The following SNX18 variants were observed in gnomAD, a reference collection of about 807,000 sequenced individuals.
SNX18 encodes sorting nexin 18, also known as sorting nexin-18.
SNX18 carries 35 observed loss-of-function variants against 48.7 expected under a neutral mutation model. The ratio of observed to expected loss-of-function variants is 0.72; its 90% CI spans 0.55 to 0.95. The LOEUF (loss-of-function observed/expected upper bound fraction) is 0.95, where lower values mean the gene tolerates loss of function less well. Ranked by LOEUF, SNX18 falls within the 40% of genes least tolerant of loss-of-function variation. SNX18 has a pLI of 0.00. For missense variants in SNX18, 824 were observed against 871.0 expected, an observed-to-expected ratio of 0.95 and a Z score of 0.68; for synonymous variants, 492 against 384.7, an observed-to-expected ratio of 1.28 and a Z score of -3.26.
At chr5:54,585,999 C>T in the SNX18 span, among the ~76,000 whole-genome samples, 129 of 146,432 alleles carry the variant, frequency 8.8e-4, 1 homozygote, top group African/African-American at 3.1e-3. Flanking sequence ...AGCGAGACTC[C>T]GTCTCAAAAA....
chr5:54,594,518 T>C, the SNX18 span, among the ~76,000 whole-genome samples: 4 of 152,174 alleles, frequency 2.6e-5, no homozygotes, highest in Non-Finnish European at 4.4e-5. Context: ...TGGTTTGCTG[T>C]GTCTAGACTG....
At chr5:54,573,940 C>T in the SNX18 span, among the ~76,000 whole-genome samples, 7 of 152,290 alleles carry the variant, frequency 4.6e-5, no homozygotes, top group East Asian at 1.4e-3. Context: ...GGAAAGGTGG[C>T]CCATATCCAC....
At chr5:54,626,291 C>T in the SNX18 span, among the ~76,000 whole-genome samples, 1 of 152,228 alleles carries the variant, frequency 6.6e-6, no homozygotes, top group Middle Eastern at 3.4e-3. Flanking sequence ...TATTTATTCA[C>T]TCTGTACCCT....
the SNX18 span, among the ~76,000 whole-genome samples, chr5:54,613,216 A>C: frequency 9.2e-5 from 14 of 152,354 alleles, no homozygotes; most frequent in African/African-American, 3.4e-4. Flanking sequence ...GGATTATCTT[A>C]GTTCGTTTTA....
the SNX18 span, chr5:54,643,793 C>A: frequency 6.6e-6 from 1 of 152,162 alleles, no homozygotes; most frequent in Admixed American, 6.5e-5. Context: ...TCTGTCATTG[C>A]CTGTGAGCCA....
chr5:54,569,467 G>A, the SNX18 span, among the ~76,000 whole-genome samples: 12 of 152,150 alleles, frequency 7.9e-5, no homozygotes, highest in African/African-American at 2.2e-4. Flanking sequence ...TGAGAAGTTC[G>A]ACAGGGCACA....
intron 1 of SNX18, among the ~76,000 whole-genome samples, chr5:54,540,690 T>C (rs1762451905): frequency 6.6e-6 from 1 of 151,852 alleles, no homozygotes; most frequent in Admixed American, 6.6e-5. Flanking sequence ...CTGGACTCTG[T>C]TCTCTATGAT....
the SNX18 span, chr5:54,645,945 CT>C: frequency 1.6e-3 from 251 of 152,282 alleles, 1 homozygote; most frequent in African/African-American, 5.6e-3. Flanking sequence ...TATATTTCTA[CT>C]TGATATTCCT....
chr5:54,615,463 G>T, the SNX18 span, among the ~76,000 whole-genome samples: 14 of 152,148 alleles, frequency 9.2e-5, no homozygotes, highest in South Asian at 4.1e-4. Context: ...CCTCTGTAAG[G>T]ATGTTCTACC....
At chr5:54,620,024 G>T in the SNX18 span, among the ~76,000 whole-genome samples, 1 of 152,140 alleles carries the variant, frequency 6.6e-6, no homozygotes, top group Non-Finnish European at 1.5e-5. Context: ...TGACTCATTT[G>T]CCAAGCTTAA....
At chr5:54,542,178 G>A (rs1422946679) in intron 1 of SNX18, among the ~76,000 whole-genome samples, 1 of 152,126 alleles carries the variant, frequency 6.6e-6, no homozygotes, top group Non-Finnish European at 1.5e-5. Context: ...AAGAACTCAG[G>A]AATAGCCTAT....
rs1262215068 is a variant in SNX18 at position 54,518,235 on chromosome 5, G to A, written c.283G>A (p.Ala95Thr). 2.8e-6 allele frequency: 4 copies of A among 1,434,018 alleles called. No individual in the cohort carries two copies. The highest frequency in any genetic ancestry group is 1.5e-5 in the South Asian group (1 of 68,392). 88.8% of individuals were successfully genotyped at this position (1,434,018 alleles called of 1,614,324 possible). The change falls in exon 1 of 2, where the codon GCC becomes ACC. Residue 95 changes from alanine (A) to threonine (T), a missense_variant. Ala to Thr is a moderately conservative substitution (Grantham distance 58). This residue lies in a region of SNX18 where 377 missense variants were observed against 350.6 expected (regional missense o/e 1.08). Coordinates refer to ENST00000381410, the MANE Select transcript of SNX18 (RefSeq NM_001102575.2). The stretch of plus-strand genomic sequence containing the variant: ...CGAGCCCCTGCCTGTCGCGCCCCCC[G>A]CCTCCTTCAAGCCGCCGCCTGACGC... Reference protein sequence around the residue: ...GFEPLPVAPPASFKPPPDAFQ... With the variant: ...GFEPLPVAPPTSFKPPPDAFQ...
the SNX18 span, among the ~76,000 whole-genome samples, chr5:54,641,406 G>A: frequency 6.6e-6 from 1 of 152,118 alleles, no homozygotes; most frequent in Non-Finnish European, 1.5e-5. Flanking sequence ...TAAACTGACA[G>A]AATTATGTCT....
the SNX18 span, among the ~76,000 whole-genome samples, chr5:54,598,138 A>T: frequency 6.6e-6 from 1 of 152,220 alleles, no homozygotes; most frequent in African/African-American, 2.4e-5. Context: ...GAAGAAATGG[A>T]TAAATTCCTA....
chr5:54,522,983 C>T (rs6866119), intron 1 of SNX18, among the ~76,000 whole-genome samples: 34,273 of 151,998 alleles, frequency 0.23, 4,727 homozygotes, highest in Non-Finnish European at 0.3. Context: ...CGAAGAAAGA[C>T]GGTAGTTTGC....
the SNX18 span, among the ~76,000 whole-genome samples, chr5:54,604,712 G>T: frequency 6.6e-6 from 1 of 152,148 alleles, no homozygotes; most frequent in Non-Finnish European, 1.5e-5. Context: ...GTGCAACATT[G>T]TAAATATGCT....
chr5:54,530,744 ATTTTTTTTTTT>A (rs70986692), intron 1 of SNX18, among the ~76,000 whole-genome samples: 2 of 72,520 alleles, frequency 2.8e-5, no homozygotes, highest in Non-Finnish European at 4.7e-5. Context: ...AACCACAGAA[ATTTTTTTTTTT>A]TTTTTTTTTT....
chr5:54,533,985 A>G (rs1762301567), intron 1 of SNX18, among the ~76,000 whole-genome samples: 1 of 152,150 alleles, frequency 6.6e-6, no homozygotes, highest in African/African-American at 2.4e-5. Context: ...ATAAGAACCC[A>G]ACAGGCCACG....
chr5:54,517,963 G>C lies in SNX18; in HGVS notation c.11G>C (p.Arg4Pro). 1 of 1,515,616 alleles carries C rather than the reference G, an allele frequency of 6.6e-7. No individual in the cohort carries two copies. Among genetic ancestry groups the C allele is most frequent in the Non-Finnish European group, 8.8e-7 (1 of 1,134,754 alleles). The allele number at this position is 1,515,616 out of a possible 1,614,324, so 93.9% of individuals were successfully genotyped here. ...CGGGGCGCCGGGACCATGGCGCTGC[G>C]CGCCCGGGCGCTGTACGACTTCAGG... MAL[R>P]ARALYDFRSE... Residue 4 changes from arginine to proline, a missense_variant, in exon 1 of 2, where the codon CGC (arginine) becomes CCC (proline). Physicochemically the swap from Arg to Pro is moderately radical, Grantham distance 103. Transcript: ENST00000381410.
Sources: allele counts gnomAD v4.1 joint callset (sites outside exome capture counted in the v4.1 genomes callset), GRCh38; gene constraint gnomAD v4.1.1; regional missense constraint gnomAD v4.1.1; transcripts MANE v1.5; gene names NCBI Gene and HGNC (gene_info 2026-07-23, HGNC 2026-07-21).